Variants in MAST4 observed in about 807,000 individuals in gnomAD.
MAST4 encodes the protein microtubule-associated serine/threonine-protein kinase 4.
MAST4 carries 89 observed loss-of-function variants against 162.7 expected under a neutral mutation model. The observed-to-expected ratio is 0.55, with a 90% CI of 0.46 to 0.65. MAST4 has a LOEUF of 0.65. MAST4 is among the 30% of genes least tolerant of loss of function. The pLI is 0.00. For missense variants in MAST4, 3,153 were observed against 3,374.0 expected (o/e 0.93, Z 1.62); for synonymous variants, 1,479 against 1,361.1 (o/e 1.09, Z -1.91).
chr5:66,976,866 C>CT (rs111527301), intron 4 of MAST4, among the ~76,000 whole-genome samples: 9,834 of 152,186 alleles, frequency 0.065, 1,068 homozygotes, highest in African/African-American at 0.22. Context: ...ACTAAGTACC[C>CT]TTTTTAACAC....
chr5:66,762,030 A>G (rs1187764228), intron 2 of MAST4, among the ~76,000 whole-genome samples: 1 of 152,250 alleles, frequency 6.6e-6, no homozygotes, highest in Non-Finnish European at 1.5e-5. Context: ...CAGTTTACAT[A>G]AAGCTTTAAA....
intron 5 of MAST4, among the ~76,000 whole-genome samples, chr5:67,089,003 A>G (rs996704066): frequency 6.6e-6 from 1 of 152,240 alleles, no homozygotes; most frequent in East Asian, 1.9e-4. Flanking sequence ...TTCTACCTTT[A>G]CAGCCATGTA....
At position 66,785,138 on chromosome 5, in the gene MAST4, G is replaced by A. The variant is rs536232905; in HGVS notation, c.518-3532G>A. 1.5e-3 allele frequency among the ~76,000 whole-genome samples: 229 copies of A among 152,312 alleles called. 1 individual carries two copies. Among genetic ancestry groups the A allele is most frequent in the African/African-American group, 5.3e-3 (221 of 41,566 alleles). On this transcript the variant is annotated intron_variant, in intron 2 of 28. Coordinates refer to ENST00000403625, the MANE Select transcript of MAST4 (RefSeq NM_001164664.2). ...CCCAGCTACTTGGGAGGCTGAGGCA[G>A]GAGAATCGCTTGAACCTGGGAGGCA...
chr5:67,142,610 C>A, intron 21 of MAST4, 77 bp downstream of exon 21: 3 of 968,786 alleles, frequency 3.1e-6, no homozygotes, highest in South Asian at 1.5e-5. Context: ...CCCCGAACAG[C>A]TGGACACTTA....
chr5:66,660,261 G>A (rs1460044647), intron 1 of MAST4, among the ~76,000 whole-genome samples: 1 of 152,164 alleles, frequency 6.6e-6, no homozygotes, highest in African/African-American at 2.4e-5. Context: ...GCTGGTGCAT[G>A]CCTGTAATCC....
chr5:67,038,628 G>A (rs1037668291), intron 4 of MAST4, among the ~76,000 whole-genome samples: 2 of 152,160 alleles, frequency 1.3e-5, no homozygotes, highest in Non-Finnish European at 2.9e-5. Flanking sequence ...TCTTCAATTT[G>A]TAGAAAGACA....
In MAST4 at chr5:67,125,491, G is replaced by T. The variant is rs1031225998; in HGVS notation, c.1745+4389G>T. Among the ~76,000 whole-genome samples, 57 of 152,042 alleles carry T rather than the reference G, an allele frequency of 3.7e-4. 1 individual carries two copies. Among genetic ancestry groups the T allele is most frequent in the Non-Finnish European group, 1.5e-4 (10 of 68,016 alleles). ...TTGTTCAACTTCTACTTACGAGTGA[G>T]AACATGTGGTATTTGGTTTTCTGTT... On this transcript the variant is annotated intron_variant, in intron 14 of 28. Coordinates refer to ENST00000403625, the MANE Select transcript of MAST4 (RefSeq NM_001164664.2).
chr5:66,980,491 A>G (rs1312795287), intron 4 of MAST4, among the ~76,000 whole-genome samples: 3 of 152,224 alleles, frequency 2.0e-5, no homozygotes, highest in Non-Finnish European at 4.4e-5. Context: ...GATTGATCCC[A>G]CTGACTAAAG....
chr5:66,897,006 G>A (rs370481267), intron 3 of MAST4, among the ~76,000 whole-genome samples: 6 of 152,210 alleles, frequency 3.9e-5, no homozygotes, highest in African/African-American at 1.4e-4. Context: ...ACAATATCAA[G>A]CAAGTAATGA....
intron 23 of MAST4, among the ~76,000 whole-genome samples, chr5:67,147,834 T>C (rs1055082364): frequency 3.3e-5 from 5 of 152,252 alleles, no homozygotes; most frequent in African/African-American, 1.2e-4. Flanking sequence ...AGTAAAAACA[T>C]TGATATTTGC....
intron 3 of MAST4, among the ~76,000 whole-genome samples, chr5:66,865,112 T>G (rs1760411314): frequency 6.6e-6 from 1 of 152,218 alleles, no homozygotes; most frequent in African/African-American, 2.4e-5. Context: ...ATGGTGGTGT[T>G]CTTTGCTGGA....
At chr5:67,091,316 A>G (rs1763844311) in intron 6 of MAST4, among the ~76,000 whole-genome samples, 2 of 152,180 alleles carry the variant, frequency 1.3e-5, no homozygotes, top group African/African-American at 2.4e-5. Context: ...TTGTTCTTTC[A>G]TAGTTTAGTT....
chr5:67,148,586 G>C (rs1445730964), intron 23 of MAST4, among the ~76,000 whole-genome samples: 1 of 152,134 alleles, frequency 6.6e-6, no homozygotes, highest in African/African-American at 2.4e-5. Context: ...AATAACTCCA[G>C]TTTATATTAA....
chr5:66,707,952 T>C (rs1057167779), intron 1 of MAST4, among the ~76,000 whole-genome samples: 1 of 152,220 alleles, frequency 6.6e-6, no homozygotes, highest in African/African-American at 2.4e-5. Context: ...GTATTACCAT[T>C]GATGACAGTA....
At chr5:66,949,492 C>G (rs1229672732) in intron 4 of MAST4, among the ~76,000 whole-genome samples, 4 of 152,138 alleles carry the variant, frequency 2.6e-5, no homozygotes, top group Non-Finnish European at 5.9e-5. Context: ...GTGTTTGCTT[C>G]CCCTTCCGCC....
chr5:66,994,252 GA>G (rs879939873), intron 4 of MAST4, among the ~76,000 whole-genome samples: 5 of 152,084 alleles, frequency 3.3e-5, no homozygotes, highest in African/African-American at 4.8e-5. Flanking sequence ...TATACAGAGT[GA>G]AAACTTTTAC....
At chr5:67,080,517 T>C (rs548552589) in intron 5 of MAST4, among the ~76,000 whole-genome samples, 23 of 152,282 alleles carry the variant, frequency 1.5e-4, no homozygotes, top group African/African-American at 4.8e-4. Context: ...ATCACACTTA[T>C]CAATTATTTT....
At chr5:66,959,783 A>G (rs992591386) in intron 4 of MAST4, among the ~76,000 whole-genome samples, 1 of 152,052 alleles carries the variant, frequency 6.6e-6, no homozygotes, top group Non-Finnish European at 1.5e-5. Context: ...ACTGTGGTAC[A>G]TTTAGAATCC....
At chr5:66,647,378 C>T (rs531148598) in intron 1 of MAST4, among the ~76,000 whole-genome samples, 7 of 152,152 alleles carry the variant, frequency 4.6e-5, no homozygotes, top group Middle Eastern at 3.4e-3. Context: ...AGTACGACAT[C>T]AAAACATTTT....
Sources: allele counts gnomAD v4.1 joint callset (sites outside exome capture counted in the v4.1 genomes callset), GRCh38; gene constraint gnomAD v4.1.1; transcripts MANE v1.5; gene names NCBI Gene and HGNC (gene_info 2026-07-23, HGNC 2026-07-21).